The following ADARB2 variants were observed in gnomAD, a reference collection of about 807,000 sequenced individuals.
The protein encoded by ADARB2 is inactive double-stranded RNA-specific editase B2.
Under a neutral mutation model 62.2 loss-of-function variants are expected in ADARB2, and 25 were observed. That is an observed-to-expected ratio of 0.40 (90% confidence interval 0.29 to 0.56). The LOEUF is 0.56. ADARB2 is among the 20% of genes least tolerant of loss of function. The probability of loss-of-function intolerance (pLI) is 0.43; values close to 1 mark genes in which losing one functional copy is unlikely to be tolerated. For missense variants in ADARB2, 1,071 were observed against 1,077.4 expected (o/e 0.99, Z 0.08); for synonymous variants, 572 against 500.8 (o/e 1.14, Z -1.90).
intron 7 of ADARB2, 194 bp downstream of exon 7, chr10:1,216,757 T>G (rs2131754060): frequency 1.4e-6 from 1 of 732,842 alleles, no homozygotes; most frequent in African/African-American, 1.8e-5. Context: ...CCTCAGGGAC[T>G]CGGGGTGCCT....
chr10:1,266,410 C>A lies in ADARB2; in HGVS notation c.1192+4545G>T, dbSNP rs1185970053. On this transcript the variant is annotated intron_variant, in intron 4 of 9. Transcript: ENST00000381312. ...ATGCCTGAGGGTGGAAGCATTTGTT[C>A]AGCATGAAAGATGGAGTCCCACCCT... Among the ~76,000 whole-genome samples, 2 of 150,218 alleles carry A rather than the reference C, an allele frequency of 1.3e-5. 1 individual carries two copies. Among genetic ancestry groups the A allele is most frequent in the South Asian group, 4.2e-4 (2 of 4,816 alleles).
intron 1 of ADARB2, among the ~76,000 whole-genome samples, chr10:1,479,783 A>G (rs762605715): frequency 2.0e-5 from 3 of 152,248 alleles, no homozygotes; most frequent in Non-Finnish European, 4.4e-5. Context: ...AATGATTTAC[A>G]GGGAAGTGTA....
intron 1 of ADARB2, among the ~76,000 whole-genome samples, chr10:1,519,640 C>T (rs1026332892): frequency 2.6e-5 from 4 of 152,232 alleles, no homozygotes; most frequent in South Asian, 4.1e-4. Context: ...CCTTTGGGTC[C>T]GTTTGACTTC....
At chr10:1,204,799 G>A (rs940860183) in intron 7 of ADARB2, among the ~76,000 whole-genome samples, 6 of 152,244 alleles carry the variant, frequency 3.9e-5, no homozygotes, top group African/African-American at 9.6e-5. Flanking sequence ...TGCTGAGCAC[G>A]GGTCTGGTGT....
At chr10:1,713,718 G>A (rs998742528) in intron 1 of ADARB2, among the ~76,000 whole-genome samples, 4 of 152,194 alleles carry the variant, frequency 2.6e-5, no homozygotes, top group African/African-American at 4.8e-5. Flanking sequence ...ATACCTCCAT[G>A]GGTGAAGTGC....
rs959278769 is a variant in ADARB2 at position 1,603,826 on chromosome 10, C to T, written c.100+133225G>A. On this transcript the variant is annotated intron_variant, in intron 1 of 9. Coordinates refer to ENST00000381312, the MANE Select transcript of ADARB2 (RefSeq NM_018702.4). ...TTTTATTTATTTATTTATTTTGAGA[C>T]AGAGTTTTACTCTGTCTCCAGGCTG... Among the ~76,000 whole-genome samples the T allele has an allele frequency of 4.0e-5, 6 of 151,576 alleles. No homozygotes were observed. In the East Asian group the frequency reaches 5.8e-4, roughly 15 times the overall value.
chr10:1,191,486 T>A (rs1836845119), intron 8 of ADARB2, among the ~76,000 whole-genome samples: 2 of 152,116 alleles, frequency 1.3e-5, no homozygotes, highest in African/African-American at 4.8e-5. Flanking sequence ...GGGCCCCACG[T>A]TTTTTTAGTA....
intron 1 of ADARB2, among the ~76,000 whole-genome samples, chr10:1,452,396 CT>C (rs1831050991): frequency 6.6e-6 from 1 of 152,110 alleles, no homozygotes; most frequent in Non-Finnish European, 1.5e-5. Flanking sequence ...CCATGACTTT[CT>C]AGTTCTTTTA....
At chr10:1,533,852 C>T (rs1259416022) in intron 1 of ADARB2, among the ~76,000 whole-genome samples, 1 of 152,140 alleles carries the variant, frequency 6.6e-6, no homozygotes, top group Admixed American at 6.5e-5. Flanking sequence ...ACCCTCATGG[C>T]CCCAAGGGAG....
rs1564269723 is a variant in ADARB2, at chr10:1,363,688, G to T, written c.417C>A (p.Gly139=). Residue 139 remains glycine, a synonymous_variant, in exon 3 of 10, where the codon GGC becomes GGA. Transcript: ENST00000381312. ...ALVQLHELRP[G]LQYRTVSQTG... ...TCTGCGACACTGTCCGGTACTGCAG[G>T]CCCGGCCTCAGCTCGTGCAGCTGCA... 1 of 1,611,322 alleles carries T rather than the reference G, an allele frequency of 6.2e-7. No homozygotes were observed. Among genetic ancestry groups the T allele is most frequent in the Non-Finnish European group, 8.5e-7 (1 of 1,179,230 alleles).
chr10:1,716,081 C>T (rs1835013586), intron 1 of ADARB2, among the ~76,000 whole-genome samples: 1 of 152,176 alleles, frequency 6.6e-6, no homozygotes, highest in Non-Finnish European at 1.5e-5. Flanking sequence ...GCACACTCCT[C>T]TCCCGATTGC....
intron 1 of ADARB2, among the ~76,000 whole-genome samples, chr10:1,695,995 G>A (rs535606939): frequency 2.8e-5 from 4 of 143,426 alleles, no homozygotes; most frequent in Non-Finnish European, 5.9e-5. Flanking sequence ...ATGCATGTGT[G>A]TGGGGTGTGC....
chr10:1,416,214 C>T (rs1355662836), intron 1 of ADARB2, among the ~76,000 whole-genome samples: 1 of 152,230 alleles, frequency 6.6e-6, no homozygotes, highest in Non-Finnish European at 1.5e-5. Flanking sequence ...TTCACACACA[C>T]ACAGATATGT....
At chr10:1,420,982 G>C (rs1158170388) in intron 1 of ADARB2, among the ~76,000 whole-genome samples, 1 of 151,952 alleles carries the variant, frequency 6.6e-6, no homozygotes, top group Non-Finnish European at 1.5e-5. Flanking sequence ...TCCTCTCTCT[G>C]CTCTCACAGG....
At chr10:1,292,821 C>A (rs865866314) in intron 3 of ADARB2, 1 of 152,156 alleles carries the variant, frequency 6.6e-6, no homozygotes, top group East Asian at 1.9e-4. Flanking sequence ...GGAGCCTGTT[C>A]TCCAGAGAAA....
intron 2 of ADARB2, among the ~76,000 whole-genome samples, chr10:1,372,085 A>G (rs1832377617): frequency 6.6e-6 from 1 of 152,240 alleles, no homozygotes; most frequent in Admixed American, 6.5e-5. Context: ...CAGTGGATGA[A>G]TAAAGAAAAT....
At chr10:1,348,207 G>C (rs1180840444) in intron 3 of ADARB2, among the ~76,000 whole-genome samples, 2 of 152,190 alleles carry the variant, frequency 1.3e-5, no homozygotes, top group African/African-American at 4.8e-5. Context: ...TTTCTCATGG[G>C]AGGAACATTT....
intron 4 of ADARB2, among the ~76,000 whole-genome samples, chr10:1,245,282 T>C (rs1190892960): frequency 6.6e-6 from 1 of 152,212 alleles, no homozygotes; most frequent in Non-Finnish European, 1.5e-5. Context: ...GTACCACACA[T>C]TACAAATGAG....
intron 4 of ADARB2, among the ~76,000 whole-genome samples, chr10:1,265,897 C>T (rs1181210583): frequency 1.8e-5 from 2 of 112,742 alleles, no homozygotes; most frequent in Admixed American, 8.3e-5. Flanking sequence ...GGCCCAGGGT[C>T]CCCCGGAAGA....
Sources: gnomAD v4.1 joint callset for allele counts (sites outside exome capture counted in the v4.1 genomes callset) on GRCh38, gnomAD v4.1.1 for gene constraint, MANE v1.5 for transcripts, NCBI Gene and HGNC (gene_info 2026-07-23, HGNC 2026-07-21) for gene names.